Variants in AGBL4 observed in about 807,000 individuals in gnomAD.
AGBL4 encodes the protein AGBL carboxypeptidase 4.
AGBL4 carries 58 observed loss-of-function variants against 66.4 expected under a neutral mutation model. That is an observed-to-expected ratio of 0.87 (90% CI 0.71 to 1.09). The LOEUF (loss-of-function observed/expected upper bound fraction) is 1.09. Among genes scored for constraint, AGBL4 ranks in the 50% least tolerant of loss-of-function variants. The pLI is 0.00. For missense variants in AGBL4, 579 were observed against 631.0 expected (o/e 0.92, Z 0.88); for synonymous variants, 234 against 222.9 (o/e 1.05, Z -0.44).
intron 2 of AGBL4, among the ~76,000 whole-genome samples, chr1:49,739,003 C>T (rs1367659682): frequency 6.6e-6 from 1 of 152,186 alleles, no homozygotes; most frequent in South Asian, 2.1e-4. Flanking sequence ...AGCGCCTCTC[C>T]TCCTCCAAAG....
At chr1:49,801,501 T>C (rs1275969877) in intron 2 of AGBL4, among the ~76,000 whole-genome samples, 2 of 152,190 alleles carry the variant, frequency 1.3e-5, no homozygotes, top group East Asian at 3.8e-4. Flanking sequence ...TACACAGCAA[T>C]AGATAACTAA....
chr1:49,434,880 G>A (rs1177050128), intron 3 of AGBL4, among the ~76,000 whole-genome samples: 1 of 151,912 alleles, frequency 6.6e-6, no homozygotes, highest in African/African-American at 2.4e-5. Context: ...TCTGCAAAAG[G>A]GATTCCCATC....
intron 3 of AGBL4, among the ~76,000 whole-genome samples, chr1:49,562,795 C>T (rs1203915605): frequency 6.6e-6 from 1 of 152,092 alleles, no homozygotes; most frequent in African/African-American, 2.4e-5. Flanking sequence ...AATGTGGGCT[C>T]TTTGTTGATT....
intron 5 of AGBL4, among the ~76,000 whole-genome samples, chr1:48,919,744 TTGACAATCAAAAA>T (rs1352746902): frequency 6.6e-6 from 1 of 152,174 alleles, no homozygotes; most frequent in South Asian, 2.1e-4. Context: ...CTCTCAAGTG[TTGACAATCAAAAA>T]TGTCTCTAGA....
intron 3 of AGBL4, among the ~76,000 whole-genome samples, chr1:49,403,725 A>AAAC (rs1426090846): frequency 6.6e-6 from 1 of 152,154 alleles, no homozygotes; most frequent in Non-Finnish European, 1.5e-5. Context: ...TTTGTATCCA[A>AAAC]AACTGTTCAA....
At chr1:49,720,829 A>G (rs1648545425) in intron 2 of AGBL4, among the ~76,000 whole-genome samples, 1 of 152,200 alleles carries the variant, frequency 6.6e-6, no homozygotes, top group Non-Finnish European at 1.5e-5. Flanking sequence ...AAAGACTAAC[A>G]TATCCGGGGT....
chr1:49,223,046 T>A (rs1649624983), intron 4 of AGBL4, among the ~76,000 whole-genome samples: 1 of 152,194 alleles, frequency 6.6e-6, no homozygotes, highest in Non-Finnish European at 1.5e-5. Context: ...GATCTAGTAG[T>A]CACATTTGGC....
chr1:49,462,972 C>T (rs1646548181), intron 3 of AGBL4, among the ~76,000 whole-genome samples: 3 of 151,574 alleles, frequency 2.0e-5, no homozygotes, highest in African/African-American at 7.3e-5. Flanking sequence ...TGTCATTTGA[C>T]TAATAAGAAA....
chr1:49,107,694 T>TGA (rs56321932), intron 4 of AGBL4, among the ~76,000 whole-genome samples: 15,481 of 113,580 alleles, frequency 0.14, 1,127 homozygotes, highest in East Asian at 0.24. Flanking sequence ...TGTGTGTGTG[T>TGA]GAGAGAGAGA....
At chr1:49,757,541 T>C (rs749177792) in intron 2 of AGBL4, among the ~76,000 whole-genome samples, 2 of 152,150 alleles carry the variant, frequency 1.3e-5, no homozygotes, top group Non-Finnish European at 2.9e-5. Flanking sequence ...CCTAGAGACT[T>C]GTTGAATGGT....
intron 9 of AGBL4, among the ~76,000 whole-genome samples, chr1:48,618,873 A>G (rs998951415): frequency 2.6e-5 from 4 of 152,124 alleles, no homozygotes; most frequent in Non-Finnish European, 5.9e-5. Context: ...TCTATTTATA[A>G]TATCATGTTA....
At chr1:48,903,259 G>A (rs1652264371) in intron 5 of AGBL4, among the ~76,000 whole-genome samples, 1 of 152,122 alleles carries the variant, frequency 6.6e-6, no homozygotes, top group Non-Finnish European at 1.5e-5. Flanking sequence ...TAATCTGTTT[G>A]TTTCTCCTGG....
intron 9 of AGBL4, among the ~76,000 whole-genome samples, chr1:48,623,894 T>TG (rs1470539074): frequency 1.3e-5 from 2 of 152,128 alleles, no homozygotes; most frequent in Non-Finnish European, 2.9e-5. Context: ...TGGAGTAGTT[T>TG]GGTAACTGAG....
intron 4 of AGBL4, among the ~76,000 whole-genome samples, chr1:49,143,786 A>G (rs1378432553): frequency 6.6e-6 from 1 of 152,250 alleles, no homozygotes; most frequent in Non-Finnish European, 1.5e-5. Flanking sequence ...ACAAAGATGT[A>G]GAAGTCAACA....
At chr1:49,023,448 T>C (rs1219867170) in intron 5 of AGBL4, among the ~76,000 whole-genome samples, 2 of 152,132 alleles carry the variant, frequency 1.3e-5, no homozygotes, top group Non-Finnish European at 2.9e-5. Context: ...TTTCTAAAAT[T>C]GGAATAGGCC....
At chr1:49,938,093 C>A (rs746182693) in intron 1 of AGBL4, among the ~76,000 whole-genome samples, 1 of 148,914 alleles carries the variant, frequency 6.7e-6, no homozygotes, top group African/African-American at 2.5e-5. Context: ...AGTGATAGAC[C>A]GCTAGCAAGA....
chr1:49,128,538 AAATAG>A (rs1645812905), intron 4 of AGBL4, among the ~76,000 whole-genome samples: 1 of 152,058 alleles, frequency 6.6e-6, no homozygotes, highest in Non-Finnish European at 1.5e-5. Context: ...TCGAGCTCAG[AAATAG>A]AATACAAACA....
chr1:48,576,690 G>A (rs1644659137), intron 11 of AGBL4, among the ~76,000 whole-genome samples: 1 of 151,988 alleles, frequency 6.6e-6, no homozygotes, highest in African/African-American at 2.4e-5. Context: ...ATCAATATTC[G>A]ACATAGAGTA....
chr1:49,915,951 G>A (rs754802540), intron 1 of AGBL4, among the ~76,000 whole-genome samples: 7 of 152,124 alleles, frequency 4.6e-5, no homozygotes, highest in South Asian at 2.1e-4. Context: ...TACAGCCTCC[G>A]CTGCTGATAC....
Sources: allele counts gnomAD v4.1 joint callset (sites outside exome capture counted in the v4.1 genomes callset), GRCh38; gene constraint gnomAD v4.1.1; transcripts MANE v1.5; gene names NCBI Gene and HGNC (gene_info 2026-07-23, HGNC 2026-07-21).